Variants in PIGN observed in about 807,000 individuals in gnomAD.
The protein encoded by PIGN is GPI ethanolamine phosphate transferase 1.
A neutral mutation model predicts 125.4 loss-of-function variants in PIGN; 117 were observed. The ratio of observed to expected loss-of-function variants is 0.93; its 90% CI spans 0.80 to 1.09. The LOEUF (loss-of-function observed/expected upper bound fraction) is 1.09, where lower values mean the gene tolerates loss of function less well. PIGN is among the 50% of genes least tolerant of loss of function. PIGN has a pLI of 0.00. For synonymous variants in PIGN, 392 were observed against 377.8 expected, an observed-to-expected ratio of 1.04 and a Z score of -0.44; for missense variants, 1,075 against 1,094.9, an observed-to-expected ratio of 0.98 and a Z score of 0.26.
At chr18:62,138,950 T>G in intron 13 of PIGN, 33 bp downstream of exon 13, 1 of 1,166,178 alleles carries the variant, frequency 8.6e-7, no homozygotes, top group Non-Finnish European at 1.2e-6. Flanking sequence ...TATTGTCCAT[T>G]TTTGTGCGTG....
rs757968173 is a variant in PIGN at position 62,113,233 on chromosome 18, G to C, written c.1335C>G (p.Val445=). The part of the protein sequence containing the change: ...YHTYDRFFLG[V]NVVIGFVGWI... ...ATCCCACAAAACCAATAACAACATT[G>C]ACGCCCAAAAAGAATCTGTCATATG... The change falls in exon 16 of 31, where the codon GTC becomes GTG. Residue 445 remains valine (V), a synonymous_variant. Coordinates refer to ENST00000640252, the MANE Select transcript of PIGN (RefSeq NM_176787.5). The C allele has an allele frequency of 1.9e-6, 3 of 1,612,788 alleles. No homozygotes were observed. The highest frequency in any genetic ancestry group is 2.5e-6 in the Non-Finnish European group (3 of 1,179,272).
chr18:62,105,417 T>C, intron 20 of PIGN, 126 bp downstream of exon 20: 1 of 619,004 alleles, frequency 1.6e-6, no homozygotes, highest in Non-Finnish European at 2.9e-6. Flanking sequence ...TTGATATTGG[T>C]ATTTTAAATT....
intron 16 of PIGN, 92 bp from the exon 17 acceptor site, chr18:62,110,065 A>T: frequency 8.4e-7 from 1 of 1,195,770 alleles, no homozygotes; most frequent in South Asian, 1.4e-5. Context: ...AAAACCTATT[A>T]CTTTCTTTCA....
intron 14 of PIGN, among the ~76,000 whole-genome samples, chr18:62,116,998 T>C (rs941540828): frequency 6.6e-6 from 1 of 152,112 alleles, no homozygotes; most frequent in Non-Finnish European, 1.5e-5. Context: ...TGTTATATTA[T>C]ATTGGAAGTA....
At chr18:62,153,300 C>T (rs2036604251) in intron 7 of PIGN, 1 of 152,178 alleles carries the variant, frequency 6.6e-6, no homozygotes, top group African/African-American at 2.4e-5. Context: ...CTGATGACTT[C>T]ATATTTTCAT....
At chr18:62,149,077 G>A (rs2036438297) in intron 7 of PIGN, among the ~76,000 whole-genome samples, 3 of 152,114 alleles carry the variant, frequency 2.0e-5, no homozygotes, top group South Asian at 4.1e-4. Flanking sequence ...AAGTTAACAG[G>A]CTATCCAAGA....
At chr18:62,169,504 A>G (rs955141512) in intron 1 of PIGN, among the ~76,000 whole-genome samples, 1 of 152,186 alleles carries the variant, frequency 6.6e-6, no homozygotes, top group African/African-American at 2.4e-5. Context: ...GGCTCAAGCA[A>G]TCCTCCTGCC....
intron 1 of PIGN, among the ~76,000 whole-genome samples, chr18:62,179,697 A>C (rs918431105): frequency 2.0e-5 from 3 of 152,174 alleles, no homozygotes; most frequent in Non-Finnish European, 4.4e-5. Context: ...CAGTGAGCTG[A>C]GATCACGCCA....
At chr18:62,105,685 T>C (rs955975704) in intron 19 of PIGN, 51 bp from the exon 20 acceptor site, 11 of 1,069,802 alleles carry the variant, frequency 1.0e-5, no homozygotes, top group African/African-American at 1.6e-5. Context: ...TAGAAAACTA[T>C]CATTAGTGTT....
At chr18:62,156,445 C>T (rs112334134) in intron 6 of PIGN, among the ~76,000 whole-genome samples, 5,051 of 152,188 alleles carry the variant, frequency 0.033, 291 homozygotes, top group African/African-American at 0.12. Flanking sequence ...CTCTTCCCAC[C>T]TCAGCCACCT....
rs138382903 is a variant in PIGN, at chr18:62,184,527, G to C, written c.-236+2317C>G. The C allele has an allele frequency of 5.3e-5, 8 of 152,302 alleles. No individual in the cohort carries two copies. In the East Asian group the frequency reaches 1.5e-3, roughly 29 times the overall value. 9.4% of individuals were successfully genotyped at this position (152,302 alleles called of 1,614,324 possible). A position where few individuals can be genotyped will look rare whatever the true frequency, so the allele number is the denominator to read the frequency against. On this transcript the variant is annotated intron_variant, in intron 1 of 30. Transcript: ENST00000640252. ...GGAAAAGAAAAGTACATACTGGGAA[G>C]ACTGGGCAGTTGATTTCTAATGGGC...
intron 30 of PIGN, among the ~76,000 whole-genome samples, chr18:62,071,937 A>G (rs2032901679): frequency 7.3e-6 from 1 of 136,764 alleles, no homozygotes; most frequent in African/African-American, 2.7e-5. Flanking sequence ...ATCCTCAGGC[A>G]GGTCCTTCAG....
intron 30 of PIGN, chr18:62,051,968 T>C (rs1424879296): frequency 2.6e-5 from 4 of 152,216 alleles, no homozygotes; most frequent in African/African-American, 9.6e-5. Flanking sequence ...TACCCAGTAG[T>C]CATTCAGGAG....
chr18:62,072,839 G>T lies in PIGN; in HGVS notation c.2620-114C>A, dbSNP rs950888020. On this transcript the variant is annotated intron_variant, in intron 29 of 30. Coordinates refer to ENST00000640252, the MANE Select transcript of PIGN (RefSeq NM_176787.5). The stretch of plus-strand genomic sequence containing the variant: ...TTTCTGACTCTAAGAATCACTATCT[G>T]ACTGTAATCAACAAGAATATGTCAT... The T allele has an allele frequency of 2.4e-5, 16 of 677,664 alleles. No individual in the cohort carries two copies. The African/African-American group carries it at 2.6e-4, about 11-fold the overall frequency. The allele number at this position is 677,664 out of a possible 1,614,324, so 42.0% of individuals were successfully genotyped here.
At chr18:62,117,415 G>A (rs939642993) in intron 14 of PIGN, among the ~76,000 whole-genome samples, 3 of 151,876 alleles carry the variant, frequency 2.0e-5, no homozygotes, top group Admixed American at 6.6e-5. Flanking sequence ...GAACTAAAAT[G>A]AACAAGGGAG....
intron 7 of PIGN, 36 bp from the exon 8 acceptor site, chr18:62,148,374 ATTTGT>A (rs2036412757): frequency 7.5e-7 from 1 of 1,325,026 alleles, no homozygotes; most frequent in Non-Finnish European, 1.0e-6. Flanking sequence ...TATTTAGTTC[ATTTGT>A]TTTATTTTAA....
chr18:62,166,241 G>T lies in PIGN; in HGVS notation c.-235-2585C>A, dbSNP rs143902041. On this transcript the variant is annotated intron_variant, in intron 1 of 30. Coordinates refer to ENST00000640252, the MANE Select transcript of PIGN (RefSeq NM_176787.5). ...AAACATATTGGTTGCAGGCAAACTG[G>T]TATTGCGCTCTGGTTGGCTCTACCC... is the stretch of plus-strand genomic sequence containing the variant. 1.6e-3 allele frequency among the ~76,000 whole-genome samples: 239 copies of T among 152,276 alleles called. 1 individual carries two copies. Among genetic ancestry groups the T allele is most frequent in the African/African-American group, 5.4e-3 (223 of 41,548 alleles).
At chr18:62,121,271 A>C (rs1429150642) in intron 14 of PIGN, among the ~76,000 whole-genome samples, 1 of 152,178 alleles carries the variant, frequency 6.6e-6, no homozygotes, top group Non-Finnish European at 1.5e-5. Flanking sequence ...TGTTCTAGTA[A>C]GTCACATAAA....
At chr18:62,095,048 A>C (rs927066435) in intron 23 of PIGN, among the ~76,000 whole-genome samples, 1 of 152,200 alleles carries the variant, frequency 6.6e-6, no homozygotes, top group Non-Finnish European at 1.5e-5. Flanking sequence ...AAATCATTTG[A>C]ACTGTGAATA....
Sources: gnomAD v4.1 joint callset for allele counts (sites outside exome capture counted in the v4.1 genomes callset) on GRCh38, gnomAD v4.1.1 for gene constraint, MANE v1.5 for transcripts, NCBI Gene and HGNC (gene_info 2026-07-23, HGNC 2026-07-21) for gene names.